SAMD4A: variants seen among roughly 807,000 people sequenced by gnomAD.
SAMD4A encodes protein Smaug homolog 1.
A neutral mutation model predicts 81.3 loss-of-function variants in SAMD4A; 33 were observed. That is an observed-to-expected ratio of 0.41 (90% CI 0.31 to 0.54). The LOEUF (loss-of-function observed/expected upper bound fraction) is 0.54, where lower values mean the gene tolerates loss of function less well. SAMD4A is among the 20% of genes least tolerant of loss of function. The pLI is 0.37. For synonymous variants in SAMD4A, 389 were observed against 382.1 expected, an observed-to-expected ratio of 1.02 and a Z score of -0.21; for missense variants, 854 against 951.1, an observed-to-expected ratio of 0.90 and a Z score of 1.34.
intron 9 of SAMD4A, among the ~76,000 whole-genome samples, chr14:54,772,060 A>T (rs1304103844): frequency 1.3e-5 from 2 of 152,066 alleles, no homozygotes; most frequent in African/African-American, 4.8e-5. Context: ...AATGTTTTAT[A>T]CTCATAAGTA....
At chr14:54,571,601 C>G (rs185280614) in intron 2 of SAMD4A, among the ~76,000 whole-genome samples, 19 of 152,208 alleles carry the variant, frequency 1.2e-4, no homozygotes, top group Non-Finnish European at 2.4e-4. Flanking sequence ...AAAATATACA[C>G]TATTTGTGTA....
intron 2 of SAMD4A, among the ~76,000 whole-genome samples, chr14:54,690,918 T>C (rs1217510747): frequency 6.6e-6 from 1 of 152,170 alleles, no homozygotes; most frequent in Admixed American, 6.5e-5. Context: ...GTTTCCAAAC[T>C]CCCTGGACAT....
At chr14:54,645,733 C>T (rs756803453) in intron 2 of SAMD4A, among the ~76,000 whole-genome samples, 2 of 152,136 alleles carry the variant, frequency 1.3e-5, no homozygotes, top group African/African-American at 2.4e-5. Flanking sequence ...TCATTTAAGG[C>T]ATTGTTGCTT....
chr14:54,646,873 C>A (rs1196158716), intron 2 of SAMD4A, among the ~76,000 whole-genome samples: 1 of 152,162 alleles, frequency 6.6e-6, no homozygotes, highest in Non-Finnish European at 1.5e-5. Flanking sequence ...AATGAAATCA[C>A]CCTGCTTGCA....
intron 2 of SAMD4A, among the ~76,000 whole-genome samples, chr14:54,617,928 G>A (rs181735752): frequency 3.3e-5 from 5 of 152,256 alleles, no homozygotes; most frequent in Admixed American, 2.6e-4. Flanking sequence ...TCCTGACATC[G>A]AAATAGATGA....
intron 2 of SAMD4A, among the ~76,000 whole-genome samples, chr14:54,576,449 G>A (rs2033300539): frequency 6.6e-6 from 1 of 152,192 alleles, no homozygotes; most frequent in Non-Finnish European, 1.5e-5. Flanking sequence ...GGAAAAAGGA[G>A]GGAGAAACCA....
At position 54,775,134 on chromosome 14, in the gene SAMD4A, A is replaced by G; in HGVS notation, c.1916A>G (p.Gln639Arg). The G allele has an allele frequency of 6.2e-7, 1 of 1,614,222 alleles. No individual in the cohort carries two copies. Among genetic ancestry groups the G allele is most frequent in the Non-Finnish European group, 8.5e-7 (1 of 1,180,034 alleles). ...CCCACCATCATGAAACAAGGAAGAC[A>G]GGTTTGTTCTGCCCCAAGGAAGGAG... ...ATPTIMKQGR[Q>R]NLWFANPGGS... Residue 639 changes from glutamine (Q) to arginine (R), a missense_variant and splice_region_variant, in exon 10 of 13, where the codon CAG becomes CGG. This residue lies in a region of SAMD4A where 428 missense variants were observed against 471.2 expected (regional missense o/e 0.91). Coordinates refer to ENST00000554335, the MANE Select transcript of SAMD4A (RefSeq NM_015589.6).
chr14:54,620,168 A>G (rs2034582468), intron 2 of SAMD4A, among the ~76,000 whole-genome samples: 1 of 152,184 alleles, frequency 6.6e-6, no homozygotes, highest in Admixed American at 6.5e-5. Flanking sequence ...ATGTTGAAAC[A>G]GAAGGCTTGG....
chr14:54,683,033 A>C (rs2036166893), intron 2 of SAMD4A, among the ~76,000 whole-genome samples: 1 of 152,170 alleles, frequency 6.6e-6, no homozygotes, highest in Non-Finnish European at 1.5e-5. Flanking sequence ...GAGTGCCCCA[A>C]GGGTACCCTG....
intron 3 of SAMD4A, among the ~76,000 whole-genome samples, chr14:54,715,853 A>G (rs111952900): frequency 2.6e-4 from 40 of 152,302 alleles, no homozygotes; most frequent in African/African-American, 9.4e-4. Flanking sequence ...AGTCTCTGCC[A>G]TATAGAAAGA....
intron 2 of SAMD4A, among the ~76,000 whole-genome samples, chr14:54,692,015 T>TA (rs1256792362): frequency 6.6e-6 from 1 of 152,252 alleles, no homozygotes; most frequent in Admixed American, 6.5e-5. Context: ...ATTTTGGGAA[T>TA]ATCTACATGC....
At chr14:54,735,168 T>G (rs1307687541) in intron 3 of SAMD4A, 1 of 151,368 alleles carries the variant, frequency 6.6e-6, no homozygotes, top group Admixed American at 6.6e-5. Flanking sequence ...ATGTCTGGCT[T>G]TTCTTCCTAT....
At chr14:54,702,022 G>A (rs374381597) in intron 2 of SAMD4A, 40 bp from the exon 3 acceptor site, 31 of 1,594,950 alleles carry the variant, frequency 1.9e-5, no homozygotes, top group African/African-American at 2.7e-5. Context: ...AGTCACTGTG[G>A]GTGTATTTGC....
chr14:54,651,924 C>T (rs1375801215), intron 2 of SAMD4A, among the ~76,000 whole-genome samples: 1 of 152,200 alleles, frequency 6.6e-6, no homozygotes, highest in Admixed American at 6.5e-5. Flanking sequence ...GTAAACCATC[C>T]AGGACCGTAT....
chr14:54,672,020 GTTTTTT>G (rs56900347), intron 2 of SAMD4A, among the ~76,000 whole-genome samples: 10 of 125,066 alleles, frequency 8.0e-5, no homozygotes, highest in African/African-American at 3.1e-4. Context: ...TGTTTATAGT[GTTTTTT>G]TTTTTTTTTT....
At chr14:54,608,539 A>G in intron 2 of SAMD4A, among the ~76,000 whole-genome samples, 1 of 152,272 alleles carries the variant, frequency 6.6e-6, no homozygotes. Flanking sequence ...GGAAAATGCC[A>G]TGCTAAGCCC....
chr14:54,588,506 T>C (rs1183151253), intron 2 of SAMD4A, among the ~76,000 whole-genome samples: 1 of 152,174 alleles, frequency 6.6e-6, no homozygotes, highest in East Asian at 1.9e-4. Context: ...TTCAGACTTT[T>C]TGATGTAGGC....
At chr14:54,778,266 G>A (rs1024875203) in intron 11 of SAMD4A, among the ~76,000 whole-genome samples, 1 of 152,186 alleles carries the variant, frequency 6.6e-6, no homozygotes, top group Non-Finnish European at 1.5e-5. Flanking sequence ...ACTAGGTCCA[G>A]ACAGTCCCCT....
chr14:54,568,617 A>T (rs370487787), intron 2 of SAMD4A, among the ~76,000 whole-genome samples: 38 of 148,356 alleles, frequency 2.6e-4, no homozygotes, highest in Middle Eastern at 3.4e-3. Context: ...CCCCACAGAT[A>T]TTCTGGTTTT....
Sources: gnomAD v4.1 joint callset for allele counts (sites outside exome capture counted in the v4.1 genomes callset) on GRCh38, gnomAD v4.1.1 for gene constraint, gnomAD v4.1.1 regional missense constraint, MANE v1.5 for transcripts, NCBI Gene and HGNC (gene_info 2026-07-23, HGNC 2026-07-21) for gene names.